The following RBMS3 variants were observed in gnomAD, a reference collection of about 807,000 sequenced individuals.
RBMS3 encodes the protein RNA binding motif single stranded interacting protein 3.
In RBMS3, 27 loss-of-function variants were observed where a neutral mutation model predicts 66.8. The ratio of observed to expected loss-of-function variants is 0.40; its 90% CI spans 0.30 to 0.56. The LOEUF (loss-of-function observed/expected upper bound fraction) is 0.56. RBMS3 is among the 20% of genes least tolerant of loss of function. The probability of loss-of-function intolerance (pLI) is 0.40; values close to 1 mark genes in which losing one functional copy is unlikely to be tolerated. For missense variants in RBMS3, 513 were observed against 549.5 expected, an observed-to-expected ratio of 0.93 and a Z score of 0.66; for synonymous variants, 188 against 183.0, an observed-to-expected ratio of 1.03 and a Z score of -0.22.
At chr3:29,365,802 C>A (rs2037870099) in intron 1 of RBMS3, among the ~76,000 whole-genome samples, 1 of 152,160 alleles carries the variant, frequency 6.6e-6, no homozygotes, top group East Asian at 1.9e-4. Flanking sequence ...AATTTAGCTT[C>A]CAATTTTTCT....
At chr3:29,426,971 C>G (rs1201914770) in intron 1 of RBMS3, among the ~76,000 whole-genome samples, 1 of 152,210 alleles carries the variant, frequency 6.6e-6, no homozygotes, top group Non-Finnish European at 1.5e-5. Flanking sequence ...TCACTCATGA[C>G]AAGAGGTTTA....
intron 4 of RBMS3, among the ~76,000 whole-genome samples, chr3:29,660,708 C>G (rs2050511070): frequency 6.6e-6 from 1 of 152,074 alleles, no homozygotes; most frequent in South Asian, 2.1e-4. Flanking sequence ...TAAATTCTTT[C>G]CAGATCTTTT....
chr3:29,567,068 C>T (rs943416754), intron 3 of RBMS3, among the ~76,000 whole-genome samples: 7 of 152,070 alleles, frequency 4.6e-5, no homozygotes, highest in African/African-American at 1.7e-4. Context: ...AAGCATACCA[C>T]ATAGAGCCCT....
intron 12 of RBMS3, among the ~76,000 whole-genome samples, chr3:29,965,470 G>A (rs1202542078): frequency 6.6e-6 from 1 of 152,036 alleles, no homozygotes; most frequent in Non-Finnish European, 1.5e-5. Flanking sequence ...GCATTTCCCT[G>A]ATCATTAGTG....
chr3:29,737,250 C>G (rs1313372394), intron 4 of RBMS3, among the ~76,000 whole-genome samples: 2 of 152,198 alleles, frequency 1.3e-5, no homozygotes. Flanking sequence ...GCTGGGATTA[C>G]AGGCATGAGC....
chr3:29,885,673 C>T (rs2059853117), intron 8 of RBMS3, among the ~76,000 whole-genome samples: 2 of 151,662 alleles, frequency 1.3e-5, no homozygotes, highest in African/African-American at 2.4e-5. Context: ...CAAAAAATAC[C>T]TGTATGTCCA....
rs983724383 is a variant in RBMS3, at chr3:30,003,926, G to A, written c.*64G>A. ...ATGAAGAAACTTCATTGAACAAGAA[G>A]TTGGCTTCCAGTTTGCACAGACGTC... On this transcript the variant is annotated 3_prime_UTR_variant, in exon 15 of 15. Coordinates refer to ENST00000383767, the MANE Select transcript of RBMS3 (RefSeq NM_001003793.3). 1.5e-6 allele frequency: 2 copies of A among 1,369,638 alleles called. No homozygotes were observed. The highest frequency in any genetic ancestry group is 3.0e-5 in the African/African-American group (2 of 67,406). The allele number at this position is 1,369,638 out of a possible 1,614,324, so 84.8% of individuals were successfully genotyped here.
chr3:29,447,038 G>A (rs2041858242), intron 2 of RBMS3, among the ~76,000 whole-genome samples: 1 of 148,432 alleles, frequency 6.7e-6, no homozygotes, highest in African/African-American at 2.5e-5. Context: ...TCAGTCTCCT[G>A]AGTAGCTGGG....
At chr3:29,473,864 G>A (rs993282014) in intron 2 of RBMS3, among the ~76,000 whole-genome samples, 5 of 152,234 alleles carry the variant, frequency 3.3e-5, no homozygotes, top group South Asian at 2.1e-4. Flanking sequence ...GCGCAGCCCC[G>A]GTTCCCGCTC....
At chr3:29,733,489 T>C (rs1043238285) in intron 4 of RBMS3, among the ~76,000 whole-genome samples, 22 of 152,114 alleles carry the variant, frequency 1.4e-4, no homozygotes, top group African/African-American at 5.3e-4. Flanking sequence ...ACTAAAAGTG[T>C]ATACGAGTTC....
At chr3:29,660,036 C>T (rs1276580940) in intron 4 of RBMS3, among the ~76,000 whole-genome samples, 1 of 152,074 alleles carries the variant, frequency 6.6e-6, no homozygotes, top group South Asian at 2.1e-4. Flanking sequence ...TTGTGCAAGA[C>T]TTTCACCTCC....
intron 4 of RBMS3, among the ~76,000 whole-genome samples, chr3:29,640,764 T>A (rs889972082): frequency 6.6e-6 from 1 of 151,998 alleles, no homozygotes; most frequent in Non-Finnish European, 1.5e-5. Context: ...ATAATACATA[T>A]GAAACAGTAT....
At chr3:29,945,323 T>A (rs1201695095) in intron 12 of RBMS3, among the ~76,000 whole-genome samples, 1 of 151,704 alleles carries the variant, frequency 6.6e-6, no homozygotes, top group African/African-American at 2.4e-5. Flanking sequence ...AATTCTTTTT[T>A]AATTTCTTAT....
chr3:29,565,484 T>G (rs969613196), intron 3 of RBMS3, among the ~76,000 whole-genome samples: 3 of 152,158 alleles, frequency 2.0e-5, no homozygotes, highest in African/African-American at 7.2e-5. Flanking sequence ...TTTTGTCTCT[T>G]CAAGATGAGC....
At chr3:29,894,528 C>A (rs777642327) in intron 8 of RBMS3, among the ~76,000 whole-genome samples, 8 of 151,398 alleles carry the variant, frequency 5.3e-5, no homozygotes, top group Non-Finnish European at 1.2e-4. Flanking sequence ...TCTGAAGTAT[C>A]TTCTTAAAAG....
chr3:29,311,971 C>A (rs1410078937), intron 1 of RBMS3, among the ~76,000 whole-genome samples: 1 of 151,786 alleles, frequency 6.6e-6, no homozygotes, highest in Admixed American at 6.6e-5. Flanking sequence ...GTGTGTTCCA[C>A]AGTGTACTTG....
At chr3:29,407,800 A>G (rs2040087652) in intron 1 of RBMS3, among the ~76,000 whole-genome samples, 3 of 152,240 alleles carry the variant, frequency 2.0e-5, no homozygotes, top group South Asian at 2.1e-4. Context: ...GAATAAATCA[A>G]TATCATGAAG....
At chr3:29,917,264 G>A (rs2060660259) in intron 10 of RBMS3, among the ~76,000 whole-genome samples, 1 of 152,056 alleles carries the variant, frequency 6.6e-6, no homozygotes. Context: ...AAAATAGCAA[G>A]CAGGTGTAAT....
intron 4 of RBMS3, among the ~76,000 whole-genome samples, chr3:29,733,995 A>G (rs1356673128): frequency 2.0e-5 from 3 of 152,020 alleles, no homozygotes; most frequent in African/African-American, 7.2e-5. Flanking sequence ...TTATAGCACC[A>G]TTTAAAAATT....
Sources: allele counts gnomAD v4.1 joint callset (sites outside exome capture counted in the v4.1 genomes callset), GRCh38; gene constraint gnomAD v4.1.1; transcripts MANE v1.5; gene names NCBI Gene and HGNC (gene_info 2026-07-23, HGNC 2026-07-21).